The following STARD13 variants were observed in gnomAD, a reference collection of about 807,000 sequenced individuals.
STARD13 encodes StAR related lipid transfer domain containing 13, also known as stAR-related lipid transfer protein 13.
In STARD13, 62 loss-of-function variants were observed where a neutral mutation model predicts 106.4. That is an observed-to-expected ratio of 0.58 (90% CI 0.48 to 0.72). The LOEUF is 0.72. Among genes scored for constraint, STARD13 ranks in the 30% least tolerant of loss-of-function variants. The probability of loss-of-function intolerance (pLI) is 0.00; values close to 1 mark genes in which losing one functional copy is unlikely to be tolerated. For synonymous variants in STARD13, 565 were observed against 553.0 expected (o/e 1.02, Z -0.31); for missense variants, 1,387 against 1,424.0 (o/e 0.97, Z 0.42).
chr13:33,532,093 A>G, the STARD13 span, among the ~76,000 whole-genome samples: 2 of 152,088 alleles, frequency 1.3e-5, no homozygotes, highest in Non-Finnish European at 2.9e-5. Flanking sequence ...AGCACAGTCT[A>G]TAGGCTGTCG....
At position 33,237,896 on chromosome 13, in the gene STARD13, C is replaced by A. The variant is rs142039481; in HGVS notation, c.169+47574G>T. Among the ~76,000 whole-genome samples the A allele has an allele frequency of 2.0e-5, 3 of 152,318 alleles. No individual in the cohort carries two copies. In the East Asian group the frequency reaches 5.8e-4, roughly 29 times the overall value. ...TGTTAGATTCAAAGAACTGTTTCAT[C>A]ACTGTCTGAAGAAATGTTTCATTAG... On this transcript the variant is annotated intron_variant, in intron 1 of 13. Transcript: ENST00000336934.
chr13:33,473,524 G>T, the STARD13 span, among the ~76,000 whole-genome samples: 1 of 152,142 alleles, frequency 6.6e-6, no homozygotes, highest in Non-Finnish European at 1.5e-5. Context: ...TCTGAATAAA[G>T]CCTCTTCCTT....
chr13:33,506,856 A>T, the STARD13 span, among the ~76,000 whole-genome samples: 3 of 152,196 alleles, frequency 2.0e-5, no homozygotes, highest in Non-Finnish European at 4.4e-5. Context: ...TCTCACCTGT[A>T]ATTCTAGCAG....
the STARD13 span, among the ~76,000 whole-genome samples, chr13:33,570,993 G>A: frequency 2.6e-5 from 4 of 152,260 alleles, no homozygotes; most frequent in Non-Finnish European, 4.4e-5. Context: ...ATACCATCCT[G>A]AGAGTTGGAG....
the STARD13 span, among the ~76,000 whole-genome samples, chr13:33,437,990 A>G: frequency 2.6e-5 from 4 of 152,170 alleles, no homozygotes; most frequent in African/African-American, 7.2e-5. Context: ...TCCACATCCA[A>G]TCTAGGACTA....
intron 1 of STARD13, among the ~76,000 whole-genome samples, chr13:33,172,018 A>G (rs1884020440): frequency 6.6e-6 from 1 of 152,166 alleles, no homozygotes; most frequent in Admixed American, 6.5e-5. Context: ...ACATGAACAT[A>G]TTATCATGTT....
intron 8 of STARD13, among the ~76,000 whole-genome samples, chr13:33,115,653 T>C (rs1875262668): frequency 6.6e-6 from 1 of 152,190 alleles, no homozygotes. Flanking sequence ...CCAAAACTGG[T>C]AACCCAGGTC....
At chr13:33,149,637 T>G (rs183393903) in intron 3 of STARD13, among the ~76,000 whole-genome samples, 1 of 152,212 alleles carries the variant, frequency 6.6e-6, no homozygotes, top group Non-Finnish European at 1.5e-5. Context: ...TGTCTGAAAC[T>G]AGGTACATAT....
chr13:33,650,432 C>T, the STARD13 span, among the ~76,000 whole-genome samples: 1 of 151,452 alleles, frequency 6.6e-6, no homozygotes, highest in Non-Finnish European at 1.5e-5. Flanking sequence ...CCTCGTGATC[C>T]GCCCGCCTCG....
At chr13:33,390,639 T>A in the STARD13 span, among the ~76,000 whole-genome samples, 1 of 152,152 alleles carries the variant, frequency 6.6e-6, no homozygotes, top group South Asian at 2.1e-4. Context: ...GTGTCAGGAA[T>A]GCTATGGTCA....
chr13:33,421,863 G>A, the STARD13 span, among the ~76,000 whole-genome samples: 1 of 152,168 alleles, frequency 6.6e-6, no homozygotes, highest in African/African-American at 2.4e-5. Flanking sequence ...TATCTCAATA[G>A]ATGCAGAAAA....
chr13:33,516,069 A>G, the STARD13 span, among the ~76,000 whole-genome samples: 2 of 150,970 alleles, frequency 1.3e-5, no homozygotes, highest in Non-Finnish European at 2.9e-5. Flanking sequence ...ATATATCCAC[A>G]TATATATACA....
At chr13:33,499,485 A>G in the STARD13 span, among the ~76,000 whole-genome samples, 1 of 129,890 alleles carries the variant, frequency 7.7e-6, no homozygotes, top group Admixed American at 8.1e-5. Flanking sequence ...TCCAGGCTCC[A>G]GTCTTTTCTC....
chr13:33,483,078 C>T, the STARD13 span, among the ~76,000 whole-genome samples: 1 of 152,098 alleles, frequency 6.6e-6, no homozygotes, highest in African/African-American at 2.4e-5. Context: ...CTTCACCTGG[C>T]AAGGAAGTCA....
the STARD13 span, among the ~76,000 whole-genome samples, chr13:33,429,988 G>A: frequency 2.0e-5 from 3 of 151,838 alleles, no homozygotes; most frequent in Admixed American, 2.0e-4. Flanking sequence ...CGCGATCTCG[G>A]CTCACTGCAA....
chr13:33,590,269 A>G, the STARD13 span, among the ~76,000 whole-genome samples: 327 of 152,292 alleles, frequency 2.1e-3, 1 homozygote, highest in African/African-American at 7.4e-3. Flanking sequence ...AACTAGTTCA[A>G]CCATTGCGGA....
the STARD13 span, among the ~76,000 whole-genome samples, chr13:33,506,630 A>T: frequency 1.6e-4 from 25 of 152,304 alleles, no homozygotes; most frequent in South Asian, 4.8e-3. Context: ...CAACCAAGGC[A>T]TGCTGATACA....
the STARD13 span, among the ~76,000 whole-genome samples, chr13:33,406,966 T>C: frequency 6.6e-6 from 1 of 152,136 alleles, no homozygotes; most frequent in African/African-American, 2.4e-5. Flanking sequence ...AAATACTGAA[T>C]CTGTGAATGT....
chr13:33,284,308 G>A (rs1475164415), intron 1 of STARD13, among the ~76,000 whole-genome samples: 6 of 152,054 alleles, frequency 3.9e-5, no homozygotes, highest in South Asian at 2.1e-4. Context: ...AATGCTGCCC[G>A]CTAGAATACA....
Sources: gnomAD v4.1 joint callset for allele counts (sites outside exome capture counted in the v4.1 genomes callset) on GRCh38, gnomAD v4.1.1 for gene constraint, MANE v1.5 for transcripts, NCBI Gene and HGNC (gene_info 2026-07-23, HGNC 2026-07-21) for gene names.